MCMDC2: variants seen among roughly 807,000 people sequenced by gnomAD.
MCMDC2 encodes minichromosome maintenance domain containing 2.
Under a neutral mutation model 75.8 loss-of-function variants are expected in MCMDC2, and 54 were observed. That is an observed-to-expected ratio of 0.71 (90% CI 0.57 to 0.89). The LOEUF (loss-of-function observed/expected upper bound fraction) is 0.89. Among genes scored for constraint, MCMDC2 ranks in the 40% least tolerant of loss-of-function variants. The pLI, the probability that MCMDC2 is intolerant of heterozygous loss-of-function variation, is 0.00. For synonymous variants in MCMDC2, 249 were observed against 274.6 expected, an observed-to-expected ratio of 0.91 and a Z score of 0.92; for missense variants, 656 against 780.4, an observed-to-expected ratio of 0.84 and a Z score of 1.90.
chr8:66,918,049 CCTCT>C lies in MCMDC2; in HGVS notation c.1880-951_1880-948del, dbSNP rs530054410. The stretch of plus-strand genomic sequence containing the variant: ...CACAAAGCTTCTAATTTCTCCACAT[CCTCT>C]CTAACACTTGTCATTTTGTTTTTTA... On this transcript the variant is annotated intron_variant, in intron 14 of 14. Transcript: ENST00000422365. 7.0e-4 allele frequency among the ~76,000 whole-genome samples: 106 copies of C among 152,350 alleles called. No homozygotes were observed. In the South Asian group the frequency reaches 0.01, roughly 15 times the overall value.
At chr8:66,885,039 A>T (rs569105856) in intron 9 of MCMDC2, among the ~76,000 whole-genome samples, 1 of 152,222 alleles carries the variant, frequency 6.6e-6, no homozygotes, top group Non-Finnish European at 1.5e-5. Context: ...CAACTTTAAA[A>T]TTTTGCAATC....
chr8:66,896,723 C>A, intron 11 of MCMDC2, 57 bp from the exon 12 acceptor site: 1 of 1,286,482 alleles, frequency 7.8e-7, no homozygotes, highest in Non-Finnish European at 1.0e-6. Context: ...TAATTATTTC[C>A]AAATTGTGAA....
chr8:66,872,169 A>G (rs1811053446), intron 1 of MCMDC2, among the ~76,000 whole-genome samples: 1 of 152,212 alleles, frequency 6.6e-6, no homozygotes, highest in Non-Finnish European at 1.5e-5. Flanking sequence ...TGTAGCAAAA[A>G]GGACAGTCTT....
chr8:66,893,050 G>T lies in MCMDC2; in HGVS notation c.1279+1980G>T, dbSNP rs1326011249. Among the ~76,000 whole-genome samples, 4 of 152,254 alleles carry T rather than the reference G, an allele frequency of 2.6e-5. No individual in the cohort carries two copies. The East Asian group carries it at 7.7e-4, about 29-fold the overall frequency. Reference sequence around the variant, plus strand: ...TTTTTTCCTTATAATGTCGTTGTCTGGTTCTGTATTAGAGTAATACTGGTT... The same window carrying T: ...TTTTTTCCTTATAATGTCGTTGTCTTGTTCTGTATTAGAGTAATACTGGTT... On this transcript the variant is annotated intron_variant, in intron 10 of 14. Transcript: ENST00000422365.
rs200374733 is a variant in MCMDC2 at position 66,896,809 on chromosome 8, G to A, written c.1476G>A (p.Val492=). ...GCAGTTTGATTCCAGCTAACCTTGT[G>A]GAGGCATTTGGTTTATTGATTAACT... ...MDCSLIPANL[V]EAFGLLINCN... is the part of the protein sequence containing the mutation. The change falls in exon 12 of 15, where the codon GTG becomes GTA. Residue 492 remains valine, a synonymous_variant. Coordinates refer to ENST00000422365, the MANE Select transcript of MCMDC2 (RefSeq NM_173518.5). 13 of 1,611,922 alleles carry A rather than the reference G, an allele frequency of 8.1e-6. No individual in the cohort carries two copies. The highest frequency in any genetic ancestry group is 1.3e-5 in the African/African-American group (1 of 74,812).
intron 12 of MCMDC2, among the ~76,000 whole-genome samples, chr8:66,900,804 G>C (rs1020749259): frequency 1.3e-5 from 2 of 152,212 alleles, no homozygotes; most frequent in Non-Finnish European, 2.9e-5. Context: ...TCTTTAAAAG[G>C]AAGGAAGGGA....
intron 7 of MCMDC2, among the ~76,000 whole-genome samples, chr8:66,880,352 A>G (rs761176954): frequency 2.6e-5 from 4 of 152,232 alleles, no homozygotes; most frequent in Non-Finnish European, 5.9e-5. Context: ...TGATTGTGCC[A>G]CTGCACTACA....
intron 14 of MCMDC2, among the ~76,000 whole-genome samples, chr8:66,914,066 C>G: frequency 6.6e-6 from 1 of 151,284 alleles, no homozygotes; most frequent in Non-Finnish European, 1.5e-5. Flanking sequence ...TCACTTGAGC[C>G]CAGGAGTTCG....
chr8:66,873,484 A>T (rs1169522568), intron 1 of MCMDC2, among the ~76,000 whole-genome samples: 3 of 152,178 alleles, frequency 2.0e-5, no homozygotes, highest in African/African-American at 7.2e-5. Flanking sequence ...TCATCATCAG[A>T]TATTGTTTAT....
intron 12 of MCMDC2, among the ~76,000 whole-genome samples, chr8:66,898,624 CA>C (rs1405645692): frequency 0.15 from 8,850 of 58,590 alleles, 359 homozygotes; most frequent in African/African-American, 0.26. Context: ...AACTCCGTCT[CA>C]AAAAAAAAAA....
intron 13 of MCMDC2, among the ~76,000 whole-genome samples, chr8:66,903,362 C>T (rs940462887): frequency 1.1e-4 from 16 of 151,966 alleles, no homozygotes; most frequent in Non-Finnish European, 2.1e-4. Flanking sequence ...AGTTCTTCAT[C>T]TGTCTTATTT....
intron 10 of MCMDC2, among the ~76,000 whole-genome samples, chr8:66,895,368 T>A (rs928468674): frequency 1.9e-4 from 29 of 151,706 alleles, no homozygotes; most frequent in African/African-American, 7.0e-4. Context: ...TTCTTCTCCT[T>A]CTTCCTTCTT....
At chr8:66,925,299 G>A (rs1051138516), downstream of MCMDC2, 1 of 152,368 alleles carries the variant, frequency 6.6e-6, no homozygotes, top group Non-Finnish European at 1.5e-5. Context: ...GGGGCACCGG[G>A]AGCGTAGCCT....
intron 7 of MCMDC2, among the ~76,000 whole-genome samples, chr8:66,879,701 A>G (rs1406023529): frequency 6.6e-6 from 1 of 152,264 alleles, no homozygotes; most frequent in Non-Finnish European, 1.5e-5. Flanking sequence ...TAAAAGAGTC[A>G]TATTTAGTTA....
downstream of MCMDC2, among the ~76,000 whole-genome samples, chr8:66,924,628 T>C (rs941859502): frequency 4.9e-5 from 7 of 143,576 alleles, no homozygotes; most frequent in Non-Finnish European, 7.5e-5. Context: ...GAACAGACTC[T>C]GGCTCAAAAA....
downstream of MCMDC2, among the ~76,000 whole-genome samples, chr8:66,924,680 G>C (rs1295960800): frequency 6.6e-6 from 1 of 151,136 alleles, no homozygotes; most frequent in African/African-American, 2.4e-5. Context: ...GGTTTTCCCA[G>C]CCTCCCAGTT....
At chr8:66,899,118 G>A (rs1812500985) in intron 12 of MCMDC2, among the ~76,000 whole-genome samples, 1 of 152,254 alleles carries the variant, frequency 6.6e-6, no homozygotes, top group African/African-American at 2.4e-5. Context: ...ATTTGTTGCA[G>A]CCTGAGCTCT....
downstream of MCMDC2, among the ~76,000 whole-genome samples, chr8:66,924,072 T>C (rs1453061190): frequency 6.6e-6 from 1 of 152,154 alleles, no homozygotes; most frequent in East Asian, 1.9e-4. Context: ...GTGGATTCTT[T>C]TGTATTATGC....
intron 14 of MCMDC2, among the ~76,000 whole-genome samples, chr8:66,912,113 C>G (rs963849701): frequency 6.6e-6 from 1 of 152,132 alleles, no homozygotes; most frequent in African/African-American, 2.4e-5. Context: ...TAAGAACATT[C>G]ATGATTTATG....
Sources: allele counts gnomAD v4.1 joint callset (sites outside exome capture counted in the v4.1 genomes callset), GRCh38; gene constraint gnomAD v4.1.1; transcripts MANE v1.5; gene names NCBI Gene and HGNC (gene_info 2026-07-23, HGNC 2026-07-21).